Variants in RAVER2 observed in about 807,000 individuals in gnomAD.
RAVER2 encodes ribonucleoprotein, PTB binding 2.
Under a neutral mutation model 78.1 loss-of-function variants are expected in RAVER2, and 46 were observed. The ratio of observed to expected loss-of-function variants is 0.59; its 90% CI spans 0.46 to 0.75. The LOEUF is 0.75. Ranked by LOEUF, RAVER2 falls within the 30% of genes least tolerant of loss-of-function variation. The pLI, the probability that RAVER2 is intolerant of heterozygous loss-of-function variation, is 0.00. For missense variants in RAVER2, 793 were observed against 837.5 expected, an observed-to-expected ratio of 0.95 and a Z score of 0.66; for synonymous variants, 311 against 313.3, an observed-to-expected ratio of 0.99 and a Z score of 0.08.
intron 4 of RAVER2, 129 bp from the exon 5 acceptor site, chr1:64,789,259 A>G (rs1652869329): frequency 2.6e-6 from 2 of 774,474 alleles, no homozygotes; most frequent in Non-Finnish European, 1.8e-6. Context: ...GATATATAAT[A>G]TAAATCAAAT....
At chr1:64,747,976 TTAAA>T (rs1651589964) in intron 1 of RAVER2, among the ~76,000 whole-genome samples, 1 of 152,244 alleles carries the variant, frequency 6.6e-6, no homozygotes, top group South Asian at 2.1e-4. Context: ...GTTTTCTTTA[TTAAA>T]TGTAGTTTTC....
chr1:64,805,730 G>T (rs542754177), intron 8 of RAVER2, among the ~76,000 whole-genome samples: 4 of 151,998 alleles, frequency 2.6e-5, no homozygotes, highest in African/African-American at 9.6e-5. Flanking sequence ...AAAACAGAAG[G>T]GCCACCAATA....
chr1:64,746,662 G>A (rs12038159), intron 1 of RAVER2, among the ~76,000 whole-genome samples: 15,315 of 152,224 alleles, frequency 0.1, 1,048 homozygotes, highest in East Asian at 0.28. Context: ...TCAAAATGCA[G>A]TGTCTGTCAG....
intron 5 of RAVER2, among the ~76,000 whole-genome samples, chr1:64,792,891 C>G (rs1308037490): frequency 1.3e-5 from 2 of 152,172 alleles, no homozygotes; most frequent in African/African-American, 4.8e-5. Flanking sequence ...TCTGAGCCAA[C>G]TAAATTAATG....
rs552256351 is a variant in RAVER2 at position 64,781,259 on chromosome 1, T to A, written c.787-121T>A. 3 of 870,210 alleles carry A rather than the reference T, an allele frequency of 3.4e-6. No individual in the cohort carries two copies. In the East Asian group the frequency reaches 8.3e-5, roughly 24 times the overall value. The allele number at this position is 870,210 out of a possible 1,614,324, so 53.9% of individuals were successfully genotyped here. On this transcript the variant is annotated intron_variant, in intron 3 of 11. Coordinates refer to ENST00000294428, the Ensembl canonical transcript of RAVER2. ...TAAACATTTTCATAAAGAAAGAATA[T>A]GTTATTTCCACCAGTATCATGCTCC...
chr1:64,751,269 T>C (rs1570521928), intron 1 of RAVER2, among the ~76,000 whole-genome samples: 1 of 152,260 alleles, frequency 6.6e-6, no homozygotes, highest in East Asian at 1.9e-4. Context: ...TGATTGTTTA[T>C]TAAGTGTAAG....
intron 1 of RAVER2, among the ~76,000 whole-genome samples, chr1:64,768,064 A>T (rs1333245837): frequency 6.6e-6 from 1 of 152,022 alleles, no homozygotes; most frequent in Non-Finnish European, 1.5e-5. Flanking sequence ...CTCTAAGCTC[A>T]GGTTTACAAT....
chr1:64,800,385 C>A (rs533001820), intron 5 of RAVER2, among the ~76,000 whole-genome samples: 3 of 151,932 alleles, frequency 2.0e-5, no homozygotes. Flanking sequence ...TCAAGTGTTT[C>A]CCCCATGTTT....
intron 1 of RAVER2, among the ~76,000 whole-genome samples, chr1:64,753,268 T>C (rs960097979): frequency 6.6e-6 from 1 of 152,166 alleles, no homozygotes; most frequent in Admixed American, 6.5e-5. Flanking sequence ...TTGCTCAGGC[T>C]GGTCCCAAAC....
intron 10 of RAVER2, among the ~76,000 whole-genome samples, chr1:64,813,828 G>GACACACACAC (rs10566575): frequency 6.9e-6 from 1 of 145,898 alleles, no homozygotes; most frequent in Non-Finnish European, 1.5e-5. Flanking sequence ...TTAGAGACTA[G>GACACACACAC]ACACACACAC....
At chr1:64,751,070 G>A (rs1203540636) in intron 1 of RAVER2, among the ~76,000 whole-genome samples, 2 of 152,224 alleles carry the variant, frequency 1.3e-5, no homozygotes, top group Non-Finnish European at 2.9e-5. Context: ...ATACTTTGTG[G>A]TTAGCATCAA....
chr1:64,809,670 C>G (rs569536322), intron 9 of RAVER2, among the ~76,000 whole-genome samples: 6 of 152,168 alleles, frequency 3.9e-5, no homozygotes, highest in Admixed American at 6.5e-5. Context: ...TAAGTACATT[C>G]ACATTGTTGT....
At chr1:64,754,021 T>C (rs1472157977) in intron 1 of RAVER2, among the ~76,000 whole-genome samples, 1 of 152,144 alleles carries the variant, frequency 6.6e-6, no homozygotes, top group East Asian at 1.9e-4. Flanking sequence ...CCAGAACAAA[T>C]TTCTCTTTCC....
intron 5 of RAVER2, among the ~76,000 whole-genome samples, chr1:64,795,665 T>C (rs1199856018): frequency 6.6e-6 from 1 of 152,114 alleles, no homozygotes; most frequent in Non-Finnish European, 1.5e-5. Flanking sequence ...TCTTATATCC[T>C]ACAGTCTTGC....
At chr1:64,781,753 G>A (rs191277366) in intron 4 of RAVER2, among the ~76,000 whole-genome samples, 182 bp downstream of exon 4, 2 of 152,138 alleles carry the variant, frequency 1.3e-5, no homozygotes, top group Admixed American at 1.3e-4. Context: ...GTTAAGTCAA[G>A]CCAGAAGTCA....
At chr1:64,801,654 G>C (rs1490432982) in intron 5 of RAVER2, among the ~76,000 whole-genome samples, 1 of 151,564 alleles carries the variant, frequency 6.6e-6, no homozygotes, top group Non-Finnish European at 1.5e-5. Context: ...TGGATCTCAA[G>C]GTCAGGAGTT....
At chr1:64,792,295 G>C (rs898889058) in intron 5 of RAVER2, among the ~76,000 whole-genome samples, 2 of 152,134 alleles carry the variant, frequency 1.3e-5, no homozygotes, top group Admixed American at 6.5e-5. Context: ...AATATGATGT[G>C]CACAGACACA....
chr1:64,797,505 G>A (rs1570565118), intron 5 of RAVER2, among the ~76,000 whole-genome samples: 1 of 152,312 alleles, frequency 6.6e-6, no homozygotes, highest in East Asian at 1.9e-4. Context: ...ATGAAAAAGA[G>A]AAGAAGAGTT....
At chr1:64,816,702 T>C (rs1464580657) in intron 11 of RAVER2, among the ~76,000 whole-genome samples, 3 of 152,226 alleles carry the variant, frequency 2.0e-5, no homozygotes, top group Non-Finnish European at 4.4e-5. Flanking sequence ...GCTAGCCATA[T>C]GTAGAAAGCT....
Sources: gnomAD v4.1 joint callset for allele counts (sites outside exome capture counted in the v4.1 genomes callset) on GRCh38, gnomAD v4.1.1 for gene constraint, MANE v1.5 for transcripts, NCBI Gene and HGNC (gene_info 2026-07-23, HGNC 2026-07-21) for gene names.